Variants in MSRA observed in about 807,000 individuals in gnomAD.
MSRA encodes methionine sulfoxide reductase A.
Under a neutral mutation model 31.3 loss-of-function variants are expected in MSRA, and 54 were observed. That is an observed-to-expected ratio of 1.73 (90% CI 1.39 to 2.17). The LOEUF (loss-of-function observed/expected upper bound fraction) is 2.17, where lower values mean the gene tolerates loss of function less well. Ranked by LOEUF, MSRA falls within the 30% of genes most tolerant of loss-of-function variation. The pLI is 0.00. For missense variants in MSRA, 507 were observed against 300.9 expected, an observed-to-expected ratio of 1.69 and a Z score of -5.07; for synonymous variants, 169 against 116.5, an observed-to-expected ratio of 1.45 and a Z score of -2.90.
intron 1 of MSRA, among the ~76,000 whole-genome samples, chr8:10,083,064 G>T (rs755911150): frequency 6.6e-6 from 1 of 152,090 alleles, no homozygotes; most frequent in Non-Finnish European, 1.5e-5. Context: ...TTGGAAGCAC[G>T]TAACCATACT....
At chr8:10,259,515 C>G (rs1219366116) in intron 3 of MSRA, among the ~76,000 whole-genome samples, 4 of 152,120 alleles carry the variant, frequency 2.6e-5, no homozygotes, top group African/African-American at 9.7e-5. Context: ...CCTCCTCTCT[C>G]CCTGCTCCTG....
rs531311232 is a variant in MSRA at position 10,071,640 on chromosome 8, T to G, written c.142+16982T>G. Among the ~76,000 whole-genome samples the G allele has an allele frequency of 7.9e-5, 12 of 152,324 alleles. No individual in the cohort carries two copies. The South Asian group carries it at 2.5e-3, about 32-fold the overall frequency. ...TTGTTTTCCTTAAAGTTCTGTAGTT[T>G]TACATTTTATATTTAAGTCTGTGAT... is the stretch of plus-strand genomic sequence containing the variant. On this transcript the variant is annotated intron_variant, in intron 1 of 5. Transcript: ENST00000317173.
chr8:10,114,802 C>G (rs1019786896), intron 1 of MSRA, among the ~76,000 whole-genome samples: 5 of 152,126 alleles, frequency 3.3e-5, no homozygotes, highest in African/African-American at 9.7e-5. Flanking sequence ...GTAAAGATGT[C>G]AATTCTCTTA....
At chr8:10,078,337 A>T (rs1271765534) in intron 1 of MSRA, among the ~76,000 whole-genome samples, 1 of 152,236 alleles carries the variant, frequency 6.6e-6, no homozygotes, top group African/African-American at 2.4e-5. Context: ...AGAGGTGTGT[A>T]TGAATGGTTG....
At chr8:10,382,900 A>G (rs1806161129) in intron 5 of MSRA, among the ~76,000 whole-genome samples, 1 of 152,168 alleles carries the variant, frequency 6.6e-6, no homozygotes, top group South Asian at 2.1e-4. Context: ...CTCCACCGCC[A>G]GCTCCCTTTC....
At chr8:10,243,433 TGCCGG>T in intron 2 of MSRA, among the ~76,000 whole-genome samples, 1 of 152,200 alleles carries the variant, frequency 6.6e-6, no homozygotes, top group Non-Finnish European at 1.5e-5. Context: ...TGAATGCTTT[TGCCGG>T]AGACCTGTGG....
At chr8:10,403,528 G>T (rs916804558) in intron 5 of MSRA, among the ~76,000 whole-genome samples, 1 of 152,182 alleles carries the variant, frequency 6.6e-6, no homozygotes, top group Non-Finnish European at 1.5e-5. Context: ...GGCTCTGGAG[G>T]TGCTCGCTGG....
intron 2 of MSRA, among the ~76,000 whole-genome samples, chr8:10,243,096 G>A (rs1423387681): frequency 6.6e-6 from 1 of 152,170 alleles, no homozygotes; most frequent in African/African-American, 2.4e-5. Context: ...CTATTGGAGT[G>A]GGACCATGGG....
intron 3 of MSRA, among the ~76,000 whole-genome samples, chr8:10,274,710 T>C (rs528094634): frequency 2.6e-5 from 4 of 152,252 alleles, no homozygotes; most frequent in African/African-American, 9.6e-5. Context: ...TCCGCCCATT[T>C]ATCCATGTAT....
rs749729676 is a variant in MSRA, at chr8:10,207,846, C to A, written c.156C>A (p.Val52=). ...EQTPVAAKHH[V]NGNRTVEPFP... is the part of the protein sequence containing the mutation. ...TTTTTTTTCTAGCCAAACATCATGT[C>A]AATGGCAACAGAACAGTCGAACCTT... The change falls in exon 2 of 6, where the codon GTC becomes GTA. Residue 52 remains valine, a synonymous_variant. Transcript: ENST00000317173. 6.2e-7 allele frequency: 1 copy of A among 1,608,204 alleles called. No individual in the cohort carries two copies. Among genetic ancestry groups the A allele is most frequent in the South Asian group, 1.1e-5 (1 of 90,292 alleles).
At chr8:10,169,843 T>C (rs2129045824) in intron 1 of MSRA, among the ~76,000 whole-genome samples, 1 of 152,084 alleles carries the variant, frequency 6.6e-6, no homozygotes, top group East Asian at 1.9e-4. Flanking sequence ...GTTGACCTTG[T>C]CTTCTGAGAC....
At chr8:10,201,433 C>G (rs1490586329) in intron 1 of MSRA, among the ~76,000 whole-genome samples, 1 of 152,136 alleles carries the variant, frequency 6.6e-6, no homozygotes, top group Admixed American at 6.5e-5. Flanking sequence ...AGCTGCTGTT[C>G]CTGGAATCTC....
Position 10,287,609 on chromosome 8 carries a change from G to T in MSRA, c.332-13925G>T, listed in dbSNP as rs567397971. On this transcript the variant is annotated intron_variant, in intron 3 of 5. Coordinates refer to ENST00000317173, the MANE Select transcript of MSRA (RefSeq NM_012331.5). ...TTTGAGACACACACCGTTCTCATGC[G>T]TTGGACTTACTATTAGTGTCTTGGT... Among the ~76,000 whole-genome samples, 128 of 152,268 alleles carry T rather than the reference G, an allele frequency of 8.4e-4. 2 individuals carry two copies. The South Asian group carries it at 0.018, about 22-fold the overall frequency.
intron 2 of MSRA, among the ~76,000 whole-genome samples, chr8:10,219,761 G>A (rs946704158): frequency 2.7e-4 from 33 of 121,094 alleles, no homozygotes; most frequent in Admixed American, 1.4e-3. Context: ...AGCCAAGATC[G>A]CACCACTGCA....
At chr8:10,189,441 G>C (rs1019430203) in intron 1 of MSRA, among the ~76,000 whole-genome samples, 1 of 152,144 alleles carries the variant, frequency 6.6e-6, no homozygotes. Context: ...GGCTGAGAAC[G>C]TTCGGTCTGT....
chr8:10,145,769 G>A (rs897739553), intron 1 of MSRA, among the ~76,000 whole-genome samples: 2 of 152,154 alleles, frequency 1.3e-5, no homozygotes, highest in African/African-American at 2.4e-5. Flanking sequence ...GCTCACTGCA[G>A]TGAAAATTTA....
At chr8:10,353,776 C>CT (rs1804344196) in intron 5 of MSRA, 1 of 366,306 alleles carries the variant, frequency 2.7e-6, no homozygotes, top group African/African-American at 2.1e-5. Context: ...TTGGAAAATT[C>CT]TTTTGAATCT....
chr8:10,172,099 C>T (rs766018913), intron 1 of MSRA, among the ~76,000 whole-genome samples: 5 of 152,140 alleles, frequency 3.3e-5, no homozygotes, highest in Non-Finnish European at 5.9e-5. Flanking sequence ...CCATTGTAGC[C>T]GGGGTCAGGA....
intron 5 of MSRA, among the ~76,000 whole-genome samples, chr8:10,382,524 C>G (rs1448069951): frequency 1.3e-5 from 2 of 151,966 alleles, no homozygotes; most frequent in African/African-American, 4.8e-5. Context: ...CAGAGGCTGT[C>G]ATTCTACACC....
Sources: allele counts gnomAD v4.1 joint callset (sites outside exome capture counted in the v4.1 genomes callset), GRCh38; gene constraint gnomAD v4.1.1; transcripts MANE v1.5; gene names NCBI Gene and HGNC (gene_info 2026-07-23, HGNC 2026-07-21).